Variants in MACROD2 observed in about 807,000 individuals in gnomAD.
MACROD2 encodes the protein ADP-ribose glycohydrolase MACROD2.
A neutral mutation model predicts 70.4 loss-of-function variants in MACROD2; 36 were observed. That is an observed-to-expected ratio of 0.51 (90% CI 0.39 to 0.68). The LOEUF (loss-of-function observed/expected upper bound fraction) is 0.68, where lower values mean the gene tolerates loss of function less well. Among genes scored for constraint, MACROD2 ranks in the 30% least tolerant of loss-of-function variants. The pLI is 0.00. For synonymous variants in MACROD2, 172 were observed against 178.8 expected (o/e 0.96, Z 0.30); for missense variants, 496 against 538.4 (o/e 0.92, Z 0.78).
chr20:14,187,139 GA>G (rs71335951), intron 3 of MACROD2, among the ~76,000 whole-genome samples: 50,151 of 112,874 alleles, frequency 0.44, 8,754 homozygotes, highest in Admixed American at 0.54. Context: ...TTTAAAAAAG[GA>G]AAAAAAAAAA....
intron 7 of MACROD2, among the ~76,000 whole-genome samples, chr20:15,495,113 G>A (rs1367103416): frequency 2.0e-5 from 3 of 152,086 alleles, no homozygotes; most frequent in Admixed American, 1.3e-4. Context: ...CCTCCCCTCC[G>A]GGTGGCCATT....
At chr20:14,845,400 T>G (rs921770355) in intron 5 of MACROD2, among the ~76,000 whole-genome samples, 1 of 152,158 alleles carries the variant, frequency 6.6e-6, no homozygotes, top group East Asian at 1.9e-4. Context: ...TGAGAATTTC[T>G]TGGTCAGCAA....
At chr20:15,431,704 G>A (rs1458713574) in intron 7 of MACROD2, among the ~76,000 whole-genome samples, 1 of 151,940 alleles carries the variant, frequency 6.6e-6, no homozygotes, top group East Asian at 1.9e-4. Flanking sequence ...GTTCCAGTAG[G>A]ATTGACTTCT....
chr20:14,195,690 G>A lies in MACROD2; in HGVS notation c.271+109962G>A, dbSNP rs2081424933. 2.6e-5 allele frequency among the ~76,000 whole-genome samples: 4 copies of A among 152,088 alleles called. No individual in the cohort carries two copies. In the South Asian group the frequency reaches 8.3e-4, roughly 32 times the overall value. On this transcript the variant is annotated intron_variant, in intron 3 of 17. Transcript: ENST00000684519. ...GAGAGGACATTGAGGGGAGCACGCC[G>A]GATGCTAGCAGGCTGCCGACTGGCA...
chr20:14,545,107 G>A (rs1450295815), intron 4 of MACROD2, among the ~76,000 whole-genome samples: 1 of 152,182 alleles, frequency 6.6e-6, no homozygotes, highest in African/African-American at 2.4e-5. Flanking sequence ...GAGATGAAAT[G>A]TAAGTGTAGC....
At chr20:15,190,606 A>T (rs917512963) in intron 5 of MACROD2, among the ~76,000 whole-genome samples, 7 of 152,222 alleles carry the variant, frequency 4.6e-5, no homozygotes, top group Admixed American at 4.6e-4. Context: ...ACAGGTCAGG[A>T]GGTAACCAGC....
At chr20:14,191,521 C>T (rs577851637) in intron 3 of MACROD2, among the ~76,000 whole-genome samples, 1 of 152,254 alleles carries the variant, frequency 6.6e-6, no homozygotes, top group East Asian at 1.9e-4. Context: ...AGAACCTATA[C>T]CCTCGTGGAG....
At chr20:15,363,420 G>A (rs573022804) in intron 6 of MACROD2, among the ~76,000 whole-genome samples, 55 of 152,304 alleles carry the variant, frequency 3.6e-4, no homozygotes, top group African/African-American at 1.3e-3. Flanking sequence ...ACCCATAAGA[G>A]AAAGTTTCGA....
intron 8 of MACROD2, among the ~76,000 whole-genome samples, chr20:15,731,930 AT>A (rs2050948980): frequency 1.7e-5 from 1 of 57,476 alleles, no homozygotes; most frequent in African/African-American, 4.8e-5. Context: ...TATTTTTTGT[AT>A]TTTTAGTAGA....
chr20:15,665,220 A>G (rs2049880429), intron 8 of MACROD2, among the ~76,000 whole-genome samples: 1 of 152,190 alleles, frequency 6.6e-6, no homozygotes. Context: ...GCTTCATCAA[A>G]TGTCTGTATG....
chr20:15,742,897 A>G (rs977756708), intron 8 of MACROD2, among the ~76,000 whole-genome samples: 7 of 152,190 alleles, frequency 4.6e-5, no homozygotes, highest in African/African-American at 1.7e-4. Flanking sequence ...GTCCAATATA[A>G]CTGTGATAAT....
Position 15,772,096 on chromosome 20 carries a change from AAAAAAATATATATATATATATAT to A in MACROD2, c.646-90647_646-90625del. Among the ~76,000 whole-genome samples the A allele has an allele frequency of 2.0e-5, 2 of 101,424 alleles. 1 individual carries two copies. Among genetic ancestry groups the A allele is most frequent in the East Asian group, 6.3e-4 (2 of 3,186 alleles). 66.5% of individuals were successfully genotyped at this position (101,424 alleles called of 152,430 possible). On this transcript the variant is annotated intron_variant, in intron 8 of 17. Transcript: ENST00000684519. ...TGAGACTCGGTCTCAAAAAAAAAAA[AAAAAAATATATATATATATATAT>A]ATATATATATTTCTTTTGTATTCAA...
At chr20:14,152,049 C>G (rs1293405514) in intron 3 of MACROD2, among the ~76,000 whole-genome samples, 1 of 151,660 alleles carries the variant, frequency 6.6e-6, no homozygotes, top group Non-Finnish European at 1.5e-5. Flanking sequence ...TCTCGATCTC[C>G]TGACCTCATG....
At chr20:15,523,618 G>A (rs2047681171) in intron 8 of MACROD2, among the ~76,000 whole-genome samples, 1 of 152,196 alleles carries the variant, frequency 6.6e-6, no homozygotes, top group African/African-American at 2.4e-5. Flanking sequence ...GTGAAACGGA[G>A]AGATTTTGAT....
At chr20:15,604,542 C>T (rs1208889833) in intron 8 of MACROD2, among the ~76,000 whole-genome samples, 3 of 152,266 alleles carry the variant, frequency 2.0e-5, no homozygotes, top group South Asian at 2.1e-4. Flanking sequence ...CCAAATGGGA[C>T]GTGCCCAGCT....
rs10556594 is a variant in MACROD2 at position 15,904,880 on chromosome 20, C to CAAAAAAAAA, written c.775+19085_775+19093dup. Among the ~76,000 whole-genome samples the CAAAAAAAAA allele has an allele frequency of 7.0e-5, 9 of 129,022 alleles. No individual in the cohort carries two copies. In the East Asian group the frequency reaches 8.9e-4, roughly 13 times the overall value. The allele number at this position is 129,022 out of a possible 152,430, so 84.6% of individuals were successfully genotyped here. ...TGCGCGAAAGAGAGAGACTCTGTCT[C>CAAAAAAAAA]AAAAAAAAAAAAAAAAAAAAAAAAG... On this transcript the variant is annotated intron_variant, in intron 10 of 17. Coordinates refer to ENST00000684519, the MANE Select transcript of MACROD2 (RefSeq NM_001351661.2).
rs1387030138 is a variant in MACROD2 at position 14,344,494 on chromosome 20, C to A, written c.272-148985C>A. ...CTTAGTTCATTCTGTAAATGATTAACCTCAAATTTGAGGAATTTGAAAACA... is the reference window on the plus strand; with the variant it reads ...CTTAGTTCATTCTGTAAATGATTAAACTCAAATTTGAGGAATTTGAAAACA... On this transcript the variant is annotated intron_variant, in intron 3 of 17. Coordinates refer to ENST00000684519, the MANE Select transcript of MACROD2 (RefSeq NM_001351661.2). Among the ~76,000 whole-genome samples the A allele has an allele frequency of 2.6e-5, 4 of 152,254 alleles. No individual in the cohort carries two copies. The East Asian group carries it at 7.7e-4, about 29-fold the overall frequency.
chr20:14,870,086 G>C (rs1010928680), intron 5 of MACROD2, among the ~76,000 whole-genome samples: 1 of 152,042 alleles, frequency 6.6e-6, no homozygotes, highest in African/African-American at 2.4e-5. Context: ...GATTTTTCCT[G>C]ATCTCTTTCT....
At chr20:15,705,515 GTTCAA>G (rs2050520322) in intron 8 of MACROD2, among the ~76,000 whole-genome samples, 1 of 152,126 alleles carries the variant, frequency 6.6e-6, no homozygotes, top group African/African-American at 2.4e-5. Context: ...GGCCTCCTGG[GTTCAA>G]GCAGTTCTCC....
Sources: allele counts gnomAD v4.1 joint callset (sites outside exome capture counted in the v4.1 genomes callset), GRCh38; gene constraint gnomAD v4.1.1; transcripts MANE v1.5; gene names NCBI Gene and HGNC (gene_info 2026-07-23, HGNC 2026-07-21).